Variants in JAK1 observed in about 807,000 individuals in gnomAD.
JAK1 encodes the protein tyrosine-protein kinase JAK1.
A neutral mutation model predicts 136.6 loss-of-function variants in JAK1; 16 were observed. The ratio of observed to expected loss-of-function variants is 0.12; its 90% CI spans 0.08 to 0.18. The LOEUF is 0.18. Ranked by LOEUF, JAK1 falls within the 10% of genes least tolerant of loss-of-function variation. JAK1 has a pLI of 1.00. For missense variants in JAK1, 859 were observed against 1,450.1 expected, an observed-to-expected ratio of 0.59 and a Z score of 6.62; for synonymous variants, 492 against 519.5, an observed-to-expected ratio of 0.95 and a Z score of 0.72.
intron 1 of JAK1, among the ~76,000 whole-genome samples, chr1:64,953,470 A>C (rs1179218357): frequency 6.6e-6 from 1 of 152,176 alleles, no homozygotes; most frequent in Non-Finnish European, 1.5e-5. Flanking sequence ...GCTCAGACCC[A>C]CACAGGTAAA....
Position 64,846,788 on chromosome 1 carries a change from C to T in JAK1, c.1900-52G>A, listed in dbSNP as rs754857177. 3 of 1,415,442 alleles carry T rather than the reference C, an allele frequency of 2.1e-6. No homozygotes were observed. The Admixed American group carries it at 5.2e-5, about 25-fold the overall frequency. The allele number at this position is 1,415,442 out of a possible 1,614,324, so 87.7% of individuals were successfully genotyped here. On this transcript the variant is annotated intron_variant, in intron 13 of 24. Coordinates refer to ENST00000342505, the MANE Select transcript of JAK1 (RefSeq NM_002227.4). ...TCTCAGGCCAGCCTCCAGGGGGCTGCTCCCCAGGGGCTCTGTTGAGGGGAA... is the reference window on the plus strand; with the variant it reads ...TCTCAGGCCAGCCTCCAGGGGGCTGTTCCCCAGGGGCTCTGTTGAGGGGAA...
intron 2 of JAK1, among the ~76,000 whole-genome samples, chr1:64,982,619 T>C (rs1431148047): frequency 6.6e-6 from 1 of 152,242 alleles, no homozygotes; most frequent in Non-Finnish European, 1.5e-5. Flanking sequence ...CAAGTCCTGC[T>C]GGCTTATGTC....
chr1:64,998,919 A>G (rs1012382340), intron 2 of JAK1, among the ~76,000 whole-genome samples: 1 of 152,220 alleles, frequency 6.6e-6, no homozygotes, highest in African/African-American at 2.4e-5. Context: ...GCCACGTGAA[A>G]ATGGACTAAT....
At chr1:65,054,291 T>C (rs947833023) in intron 1 of JAK1, among the ~76,000 whole-genome samples, 4 of 152,138 alleles carry the variant, frequency 2.6e-5, no homozygotes, top group African/African-American at 9.7e-5. Context: ...ATACTTGACT[T>C]GTAAGACTAA....
At chr1:64,870,104 C>G (rs1449896004) in intron 5 of JAK1, among the ~76,000 whole-genome samples, 2 of 152,222 alleles carry the variant, frequency 1.3e-5, no homozygotes, top group Non-Finnish European at 2.9e-5. Flanking sequence ...ACCAGCAGTG[C>G]CCAGCCCAGC....
At chr1:64,942,010 T>C (rs1196423232) in intron 1 of JAK1, 2 of 152,018 alleles carry the variant, frequency 1.3e-5, no homozygotes, top group Non-Finnish European at 2.9e-5. Flanking sequence ...CAGAATTATA[T>C]AAAAATCCAA....
At chr1:64,879,796 A>G (rs886068269) in intron 3 of JAK1, among the ~76,000 whole-genome samples, 5 of 152,192 alleles carry the variant, frequency 3.3e-5, no homozygotes, top group African/African-American at 1.2e-4. Context: ...ATGGCTTCAC[A>G]AAGCTGGCCC....
chr1:64,957,251 TG>T (rs1421204402), intron 1 of JAK1, among the ~76,000 whole-genome samples: 2 of 152,326 alleles, frequency 1.3e-5, no homozygotes, highest in East Asian at 3.9e-4. Flanking sequence ...CGTTTTTTCA[TG>T]GGACACAAAT....
intron 1 of JAK1, among the ~76,000 whole-genome samples, chr1:64,902,581 A>AGTGTGTGTGTGT (rs1394514935): frequency 2.0e-4 from 3 of 14,764 alleles, no homozygotes; most frequent in Admixed American, 2.0e-3. Context: ...AGAGAGAGAG[A>AGTGTGTGTGTGT]GAGTGTGTGT....
Position 64,844,678 on chromosome 1 carries a change from C to CCCCAG in JAK1, c.2251+71_2251+75dup. ...AAATGACTCTCTAAAAGGAGACCAA[C>CCCCAG]CCCAGCCCAGCCCTTCTCTCTGCTG... On this transcript the variant is annotated intron_variant, in intron 16 of 24. Coordinates refer to ENST00000342505, the MANE Select transcript of JAK1 (RefSeq NM_002227.4). The surrounding 1 kb of genome is among the most constrained non-coding windows in gnomAD (Gnocchi z 5.7). 6.3e-7 allele frequency: 1 copy of CCCCAG among 1,576,866 alleles called. No individual in the cohort carries two copies. Among genetic ancestry groups the CCCCAG allele is most frequent in the South Asian group, 1.1e-5 (1 of 90,174 alleles).
At chr1:64,861,199 G>A (rs922259667) in intron 8 of JAK1, among the ~76,000 whole-genome samples, 3 of 152,142 alleles carry the variant, frequency 2.0e-5, no homozygotes, top group African/African-American at 7.2e-5. Flanking sequence ...CAGAGGCAGT[G>A]TGGTTCATCT....
chr1:64,845,643 G>A lies in JAK1; in HGVS notation c.1988-3C>T, dbSNP rs754376739. 2 of 1,614,156 alleles carry A rather than the reference G, an allele frequency of 1.2e-6. No individual in the cohort carries two copies. The highest frequency in any genetic ancestry group is 2.2e-5 in the East Asian group (1 of 44,878). On this transcript the variant is annotated splice_polypyrimidine_tract_variant and splice_region_variant and intron_variant, in intron 14 of 24. Transcript: ENST00000342505. ...CACAAACTCTTCCACCATGATATCTGTAGGCATAAAAATAGCCATGTCTGG... is the reference window on the plus strand; with the variant it reads ...CACAAACTCTTCCACCATGATATCTATAGGCATAAAAATAGCCATGTCTGG...
intron 2 of JAK1, among the ~76,000 whole-genome samples, chr1:65,007,453 TG>T (rs1204106079): frequency 6.6e-6 from 1 of 152,088 alleles, no homozygotes; most frequent in Non-Finnish European, 1.5e-5. Context: ...TGTTGTTTTT[TG>T]TTTTGTTTTG....
At chr1:64,981,277 T>A (rs1557741121) in intron 2 of JAK1, among the ~76,000 whole-genome samples, 1 of 152,218 alleles carries the variant, frequency 6.6e-6, no homozygotes, top group Admixed American at 6.5e-5. Context: ...CACACAGTAT[T>A]TATTGCCTAC....
chr1:64,891,588 C>A (rs908650942), intron 1 of JAK1, among the ~76,000 whole-genome samples: 26 of 152,176 alleles, frequency 1.7e-4, no homozygotes, highest in African/African-American at 6.3e-4. Context: ...CTAACCTACA[C>A]AACAAGCCAG....
At chr1:65,001,806 C>A (rs963932020) in intron 2 of JAK1, among the ~76,000 whole-genome samples, 12 of 151,502 alleles carry the variant, frequency 7.9e-5, no homozygotes, top group African/African-American at 2.9e-4. Flanking sequence ...GGAACCCTAG[C>A]TTGGTGTCTG....
At chr1:64,850,766 G>C in intron 12 of JAK1, 38 bp downstream of exon 12, 4 of 1,397,982 alleles carry the variant, frequency 2.9e-6, no homozygotes, top group Non-Finnish European at 4.1e-6. Context: ...TGGGGAGGCA[G>C]GACCACAGCT....
At chr1:65,051,562 A>G (rs549884199) in intron 1 of JAK1, among the ~76,000 whole-genome samples, 1 of 152,314 alleles carries the variant, frequency 6.6e-6, no homozygotes, top group Non-Finnish European at 1.5e-5. Flanking sequence ...TCTTCCCAGC[A>G]AAGTGCCCTA....
intron 1 of JAK1, among the ~76,000 whole-genome samples, chr1:64,887,343 T>G (rs1467679653): frequency 6.6e-6 from 1 of 152,174 alleles, no homozygotes; most frequent in Non-Finnish European, 1.5e-5. Context: ...TGCACAAAAG[T>G]TTTTTAAAAA....
Sources: allele counts gnomAD v4.1 joint callset (sites outside exome capture counted in the v4.1 genomes callset), GRCh38; gene constraint gnomAD v4.1.1; non-coding constraint Gnocchi (gnomAD v3.1); transcripts MANE v1.5; gene names NCBI Gene and HGNC (gene_info 2026-07-23, HGNC 2026-07-21).